The following SEMA3G variants were observed in gnomAD, a reference collection of about 807,000 sequenced individuals.
SEMA3G encodes semaphorin 3G.
A neutral mutation model predicts 86.2 loss-of-function variants in SEMA3G; 70 were observed. That is an observed-to-expected ratio of 0.81 (90% CI 0.67 to 0.99). SEMA3G has a LOEUF of 0.99. SEMA3G is among the 50% of genes least tolerant of loss of function. The probability of loss-of-function intolerance (pLI) is 0.00; values close to 1 mark genes in which losing one functional copy is unlikely to be tolerated. For missense variants in SEMA3G, 1,002 were observed against 1,072.4 expected, an observed-to-expected ratio of 0.93 and a Z score of 0.92; for synonymous variants, 416 against 441.4, an observed-to-expected ratio of 0.94 and a Z score of 0.72.
chr3:52,435,469 T>C lies in SEMA3G; in HGVS notation c.*134A>G. 1.2e-6 allele frequency: 1 copy of C among 819,266 alleles called. No individual in the cohort carries two copies. The highest frequency in any genetic ancestry group is 1.9e-6 in the Non-Finnish European group (1 of 519,454). 50.7% of individuals were successfully genotyped at this position (819,266 alleles called of 1,614,324 possible). On this transcript the variant is annotated 3_prime_UTR_variant, in exon 16 of 16. Coordinates refer to ENST00000231721, the MANE Select transcript of SEMA3G (RefSeq NM_020163.3). ...CCTCCATTAGACCCCAGTAGCGGTG[T>C]GGGGGCAGAGACACCTGTCTCTAAG...
chr3:52,440,866 T>C, intron 8 of SEMA3G, 43 bp from the exon 9 acceptor site: 2 of 1,602,132 alleles, frequency 1.2e-6, no homozygotes, highest in Non-Finnish European at 1.7e-6. Context: ...CCACCGCCAA[T>C]GCCCTGACTC....
Position 52,435,360 on chromosome 3 carries a change from G to A in SEMA3G, c.*243C>T. 2 of 543,400 alleles carry A rather than the reference G, an allele frequency of 3.7e-6. No individual in the cohort carries two copies. The highest frequency in any genetic ancestry group is 2.4e-5 in the South Asian group (1 of 41,440). 33.7% of individuals were successfully genotyped at this position (543,400 alleles called of 1,614,324 possible). A position where few individuals can be genotyped will look rare whatever the true frequency, so the allele number is the denominator to read the frequency against. On this transcript the variant is annotated 3_prime_UTR_variant, in exon 16 of 16. Transcript: ENST00000231721. ...TGAGAACAAATGGCAGATCCCTTGG[G>A]GCTGCCAGCAGCCAGAGGGTGCTGG...
At position 52,442,389 on chromosome 3, in the gene SEMA3G, G is replaced by C; in HGVS notation, c.340-85C>G. The C allele has an allele frequency of 1.3e-6, 1 of 766,624 alleles. No individual in the cohort carries two copies. The highest frequency in any genetic ancestry group is 2.0e-5 in the Admixed American group (1 of 48,878). 47.5% of individuals were successfully genotyped at this position (766,624 alleles called of 1,614,324 possible). A position where few individuals can be genotyped will look rare whatever the true frequency, so the allele number is the denominator to read the frequency against. On this transcript the variant is annotated intron_variant, in intron 3 of 15. Transcript: ENST00000231721. This position sits in a 1 kb window ranked among gnomAD's most constrained non-coding sequence, Gnocchi z 6.1. ...GGCCCAAGGCTCAGCCCTGTCTGGCGGTCAGCTCTGGGGAGGGGGGTGGGT... is the reference window on the plus strand; with the variant it reads ...GGCCCAAGGCTCAGCCCTGTCTGGCCGTCAGCTCTGGGGAGGGGGGTGGGT...
At chr3:52,441,737 C>T (rs759476147) in intron 5 of SEMA3G, 47 bp from the exon 6 acceptor site, 1 of 1,594,038 alleles carries the variant, frequency 6.3e-7, no homozygotes, top group East Asian at 2.2e-5. Flanking sequence ...GGCCCAGGCC[C>T]AGCAGCCGGG....
At position 52,442,670 on chromosome 3, in the gene SEMA3G, TCA is replaced by T; in HGVS notation, c.277-51_277-50del. ...CAGGTCCTCCCCTGATCTCACAGGCTCAGTTTCCCCATCTGGCCTCCCATCTG... is the reference window on the plus strand; with the variant it reads ...CAGGTCCTCCCCTGATCTCACAGGCTGTTTCCCCATCTGGCCTCCCATCTG... On this transcript the variant is annotated intron_variant, in intron 2 of 15. Coordinates refer to ENST00000231721, the MANE Select transcript of SEMA3G (RefSeq NM_020163.3). The surrounding 1 kb of genome is among the most constrained non-coding windows in gnomAD (Gnocchi z 6.1). The T allele has an allele frequency of 6.2e-7, 1 of 1,613,866 alleles. No homozygotes were observed. The highest frequency in any genetic ancestry group is 8.5e-7 in the Non-Finnish European group (1 of 1,179,844).
rs774811537 is a variant in SEMA3G, at chr3:52,435,692, TCTTGCCCCTGGCCTG to T, written c.2245_2259del (p.Gln749_Lys753del). Reference sequence around the variant, plus strand: ...TTGCCTAGCTCCAGCCCTGCCCAGCTCTTGCCCCTGGCCTGCTTGCCCCGGCTCCGGCTCCGGAAG... The same window carrying T: ...TTGCCTAGCTCCAGCCCTGCCCAGCTCTTGCCCCGGCTCCGGCTCCGGAAG... On this transcript the variant is annotated inframe_deletion, in exon 16 of 16. Coordinates refer to ENST00000231721, the MANE Select transcript of SEMA3G (RefSeq NM_020163.3). 63 of 1,613,904 alleles carry T rather than the reference TCTTGCCCCTGGCCTG, an allele frequency of 3.9e-5. No individual in the cohort carries two copies. The highest frequency in any genetic ancestry group is 1.8e-4 in the Admixed American group (11 of 60,000).
rs183948988 is a variant in SEMA3G, at chr3:52,436,961, G to T, written c.1878+566C>A. On this transcript the variant is annotated intron_variant, in intron 15 of 15. Transcript: ENST00000231721. Reference sequence around the variant, plus strand: ...GGCCAATGCCCATCCTCAGGCCCCAGACTTAAACCATCCCTGGGGTTGATA... The same window carrying T: ...GGCCAATGCCCATCCTCAGGCCCCATACTTAAACCATCCCTGGGGTTGATA... 6.6e-4 allele frequency among the ~76,000 whole-genome samples: 101 copies of T among 152,258 alleles called. 1 individual carries two copies. The highest frequency in any genetic ancestry group is 9.1e-4 in the Non-Finnish European group (62 of 68,002).
Position 52,441,029 on chromosome 3 carries a change from C to T in SEMA3G, c.833G>A (p.Arg278Gln), listed in dbSNP as rs1706143605. The part of the protein sequence containing the change: ...RVCVNDAGGQ[R>Q]VLVNKWSTFL... ...AGTGCTCCATTTGTTCACCAGCACCCGCTGGCCCCCAGCATCATTCTGCAG... is the reference window on the plus strand; with the variant it reads ...AGTGCTCCATTTGTTCACCAGCACCTGCTGGCCCCCAGCATCATTCTGCAG... The change falls in exon 8 of 16, where the codon CGG becomes CAG. Residue 278 changes from arginine (R) to glutamine (Q), a missense_variant. By Grantham distance (43) the Arg-to-Gln change is conservative. Coordinates refer to ENST00000231721, the MANE Select transcript of SEMA3G (RefSeq NM_020163.3). 2.5e-6 allele frequency: 4 copies of T among 1,599,690 alleles called. No individual in the cohort carries two copies. Among genetic ancestry groups the T allele is most frequent in the South Asian group, 1.1e-5 (1 of 90,666 alleles).
chr3:52,439,044 T>C, intron 12 of SEMA3G, 83 bp from the exon 13 acceptor site: 3 of 1,481,496 alleles, frequency 2.0e-6, no homozygotes, highest in East Asian at 2.4e-5. Context: ...CCTCCAACCC[T>C]GGGGTGGGAA....
At chr3:52,438,813 C>T (rs1421619485) in intron 13 of SEMA3G, 107 bp downstream of exon 13, 1 of 1,545,550 alleles carries the variant, frequency 6.5e-7, no homozygotes, top group East Asian at 2.3e-5. Flanking sequence ...CACAGCTTTC[C>T]CCAGACTACA....
At position 52,442,542 on chromosome 3, in the gene SEMA3G, C is replaced by A. The variant is rs1578259378; in HGVS notation, c.339+17G>T. Reference sequence around the variant, plus strand: ...AGGGTGTCAGGTCGGGGGACCATCCCTCCCGACAGCACTCACCAAAGGATC... The same window carrying A: ...AGGGTGTCAGGTCGGGGGACCATCCATCCCGACAGCACTCACCAAAGGATC... On this transcript the variant is annotated intron_variant, in intron 3 of 15. Transcript: ENST00000231721. The surrounding 1 kb of genome is among the most constrained non-coding windows in gnomAD (Gnocchi z 6.1). 6.2e-7 allele frequency: 1 copy of A among 1,613,904 alleles called. No homozygotes were observed. The highest frequency in any genetic ancestry group is 8.5e-7 in the Non-Finnish European group (1 of 1,179,856).
chr3:52,441,319 G>A lies in SEMA3G; in HGVS notation c.758C>T (p.Ser253Leu), dbSNP rs367843066. Reference protein sequence around the residue: ...VYFFFSETVPSPDGGSNHVTV... With the variant: ...VYFFFSETVPLPDGGSNHVTV... ...GACATGGTTCGAGCCACCATCGGGC[G>A]AGGGGACCGTCTCCGAGAAGAAGAA... Residue 253 changes from serine (S) to leucine (L), a missense_variant, in exon 7 of 16, where the codon TCG becomes TTG. Physicochemically the swap from Ser to Leu is moderately radical, Grantham distance 145 (BLOSUM62 -2). Transcript: ENST00000231721. 2.1e-5 allele frequency: 34 copies of A among 1,613,754 alleles called. No homozygotes were observed. The highest frequency in any genetic ancestry group is 5.3e-5 in the African/African-American group (4 of 75,054).
rs761989831 is a variant in SEMA3G, at chr3:52,442,824, G to C, written c.199C>G (p.Arg67Gly). Residue 67 changes from arginine to glycine, a missense_variant, in exon 2 of 16, where the codon CGA becomes GGA. Physicochemically the swap from Arg to Gly is moderately radical, Grantham distance 125. Coordinates refer to ENST00000231721, the MANE Select transcript of SEMA3G (RefSeq NM_020163.3). The surrounding 1 kb of genome is among the most constrained non-coding windows in gnomAD (Gnocchi z 6.1). ...NLQAMYLDEY[R>G]DRLFLGGLDA... The stretch of plus-strand genomic sequence containing the variant: ...AGGCCACCCAGAAAGAGGCGGTCTC[G>C]GTACTCATCTAGGTACATGGCCTGG... 13 of 1,613,252 alleles carry C rather than the reference G, an allele frequency of 8.1e-6. No homozygotes were observed. Among genetic ancestry groups the C allele is most frequent in the Non-Finnish European group, 1.1e-5 (13 of 1,179,724 alleles).
intron 13 of SEMA3G, chr3:52,438,604 C>A (rs994694204): frequency 4.8e-5 from 47 of 985,362 alleles, no homozygotes; most frequent in Middle Eastern, 1.0e-3. Context: ...ACGGGTTTTG[C>A]CACTTGGCAA....
chr3:52,435,479 G>T lies in SEMA3G; in HGVS notation c.*124C>A. On this transcript the variant is annotated 3_prime_UTR_variant, in exon 16 of 16. Coordinates refer to ENST00000231721, the MANE Select transcript of SEMA3G (RefSeq NM_020163.3). ...ACCCCAGTAGCGGTGTGGGGGCAGA[G>T]ACACCTGTCTCTAAGAGGCAAACAG... 1.1e-6 allele frequency: 1 copy of T among 917,324 alleles called. No homozygotes were observed. The highest frequency in any genetic ancestry group is 1.7e-6 in the Non-Finnish European group (1 of 603,364). The allele number at this position is 917,324 out of a possible 1,614,324, so 56.8% of individuals were successfully genotyped here.
In SEMA3G at chr3:52,442,909, T is replaced by A; in HGVS notation, c.116-2A>T. 6.3e-7 allele frequency: 1 copy of A among 1,585,866 alleles called. No homozygotes were observed. Among genetic ancestry groups the A allele is most frequent in the Non-Finnish European group, 8.6e-7 (1 of 1,165,912 alleles). ...CAGAGCGGTTGGCAGACAGGAGGTC[T>A]AGGAGGATGTATGGGGAGGCAGATC... On this transcript the variant is annotated splice_acceptor_variant, in intron 1 of 15. Transcript: ENST00000231721. LOFTEE classifies it high-confidence loss of function. This position sits in a 1 kb window ranked among gnomAD's most constrained non-coding sequence, Gnocchi z 6.1.
At chr3:52,440,188 C>T in intron 10 of SEMA3G, 90 bp from the exon 11 acceptor site, 5 of 1,247,200 alleles carry the variant, frequency 4.0e-6, no homozygotes, top group Non-Finnish European at 5.5e-6. Flanking sequence ...ACCAGGGGGA[C>T]CTCTCTCACT....
At chr3:52,441,754 C>G in intron 5 of SEMA3G, 64 bp from the exon 6 acceptor site, 1 of 1,591,518 alleles carries the variant, frequency 6.3e-7, no homozygotes, top group Non-Finnish European at 8.6e-7. Flanking sequence ...CGGGTCCCTC[C>G]CTTCCCAGTG....
chr3:52,438,014 C>T lies in SEMA3G; in HGVS notation c.1695G>A (p.Arg565=), dbSNP rs1252595528. The T allele has an allele frequency of 6.2e-7, 1 of 1,613,000 alleles. No homozygotes were observed. The highest frequency in any genetic ancestry group is 1.1e-5 in the South Asian group (1 of 91,074). ...GKRRFRRQDI[R]HGNPALQCLG... Reference sequence around the variant, plus strand: ...GGCACTGCAGGGCAGGGTTGCCGTGCCGGATGTCCTGCCGGCGGAACCGGC... The same window carrying T: ...GGCACTGCAGGGCAGGGTTGCCGTGTCGGATGTCCTGCCGGCGGAACCGGC... The change falls in exon 14 of 16, where the codon CGG becomes CGA. Residue 565 remains arginine (R), a synonymous_variant. Coordinates refer to ENST00000231721, the MANE Select transcript of SEMA3G (RefSeq NM_020163.3).
Sources: gnomAD v4.1 joint callset for allele counts (sites outside exome capture counted in the v4.1 genomes callset) on GRCh38, gnomAD v4.1.1 for gene constraint, Gnocchi (gnomAD v3.1) non-coding constraint, MANE v1.5 for transcripts, NCBI Gene and HGNC (gene_info 2026-07-23, HGNC 2026-07-21) for gene names.